FARS2: variants seen among roughly 807,000 people sequenced by gnomAD.
The protein encoded by FARS2 is phenylalanyl-tRNA synthetase 2, mitochondrial, also known as phenylalanine--tRNA ligase, mitochondrial.
A neutral mutation model predicts 46.4 loss-of-function variants in FARS2; 40 were observed. That is an observed-to-expected ratio of 0.86 (90% CI 0.67 to 1.12). The LOEUF (loss-of-function observed/expected upper bound fraction) is 1.12, where lower values mean the gene tolerates loss of function less well. Among genes scored for constraint, FARS2 ranks in the 50% most tolerant of loss-of-function variants. The pLI, the probability that FARS2 is intolerant of heterozygous loss-of-function variation, is 0.00. For synonymous variants in FARS2, 234 were observed against 214.9 expected (o/e 1.09, Z -0.78); for missense variants, 513 against 567.9 (o/e 0.90, Z 0.98).
At chr6:5,675,199 GACAC>G (rs3057239) in intron 6 of FARS2, among the ~76,000 whole-genome samples, 4,049 of 144,700 alleles carry the variant, frequency 0.028, 143 homozygotes, top group African/African-American at 0.085. Flanking sequence ...TTTGCAGATA[GACAC>G]ACACACACAC....
intron 4 of FARS2, among the ~76,000 whole-genome samples, chr6:5,494,246 A>G (rs1408122978): frequency 6.6e-6 from 1 of 151,978 alleles, no homozygotes; most frequent in African/African-American, 2.4e-5. Context: ...TTTAAAAAGT[A>G]AAATTCTATG....
intron 4 of FARS2, among the ~76,000 whole-genome samples, chr6:5,525,604 G>C (rs1390778307): frequency 6.6e-6 from 1 of 152,218 alleles, no homozygotes; most frequent in African/African-American, 2.4e-5. Flanking sequence ...AACTGTGTGA[G>C]TGTCAATGAG....
At chr6:5,396,582 A>G (rs1442099950) in intron 2 of FARS2, among the ~76,000 whole-genome samples, 5 of 152,182 alleles carry the variant, frequency 3.3e-5, no homozygotes, top group East Asian at 1.9e-4. Flanking sequence ...TATGCTGGCT[A>G]AAAAAACCCC....
chr6:5,439,799 A>T (rs1763739819), intron 4 of FARS2, among the ~76,000 whole-genome samples: 1 of 152,198 alleles, frequency 6.6e-6, no homozygotes, highest in African/African-American at 2.4e-5. Flanking sequence ...ATTGTCTAAG[A>T]TCTGTGAAAC....
At chr6:5,528,330 A>G (rs1391373987) in intron 4 of FARS2, among the ~76,000 whole-genome samples, 2 of 152,234 alleles carry the variant, frequency 1.3e-5, no homozygotes, top group South Asian at 2.1e-4. Flanking sequence ...CATTGTGCCT[A>G]GTTCACCTTG....
At chr6:5,536,075 G>A (rs938368019) in intron 4 of FARS2, among the ~76,000 whole-genome samples, 8 of 134,304 alleles carry the variant, frequency 6.0e-5, no homozygotes, top group Admixed American at 7.7e-5. Context: ...TTTTTGAGAC[G>A]GAGTCTCACT....
Position 5,368,757 on chromosome 6 carries a change from C to T in FARS2, c.187C>T (p.His63Tyr). The change falls in exon 2 of 7, where the codon CAC (histidine) becomes TAC (tyrosine). Residue 63 changes from histidine to tyrosine, a missense_variant. Physicochemically the swap from His to Tyr is moderately conservative, Grantham distance 83. Transcript: ENST00000274680. ...GGGCAAATCCTACCCTCAGGACGACCACAGCAACCTCACCCGGAAGGTCCT... is the reference window on the plus strand; with the variant it reads ...GGGCAAATCCTACCCTCAGGACGACTACAGCAACCTCACCCGGAAGGTCCT... ...LLGKSYPQDD[H>Y]SNLTRKVLTR... The T allele has an allele frequency of 6.2e-7, 1 of 1,614,120 alleles. No individual in the cohort carries two copies. The highest frequency in any genetic ancestry group is 8.5e-7 in the Non-Finnish European group (1 of 1,180,016).
At chr6:5,400,119 C>T (rs989119925) in intron 2 of FARS2, among the ~76,000 whole-genome samples, 5 of 152,262 alleles carry the variant, frequency 3.3e-5, no homozygotes, top group East Asian at 1.9e-4. Context: ...AAAGCCTCAG[C>T]GTATTCAAAA....
intron 4 of FARS2, among the ~76,000 whole-genome samples, chr6:5,507,224 T>C (rs1768152432): frequency 6.6e-6 from 1 of 152,248 alleles, no homozygotes; most frequent in Non-Finnish European, 1.5e-5. Flanking sequence ...GTTGCTGAAC[T>C]CTGCCATGGC....
chr6:5,654,486 C>T (rs920040601), intron 6 of FARS2, among the ~76,000 whole-genome samples: 9 of 152,180 alleles, frequency 5.9e-5, no homozygotes, highest in African/African-American at 2.2e-4. Context: ...CATCAAGTGC[C>T]TCTGGGGTTA....
intron 3 of FARS2, among the ~76,000 whole-genome samples, chr6:5,405,477 G>GTT (rs1554181324): frequency 9.7e-5 from 9 of 93,164 alleles, no homozygotes; most frequent in African/African-American, 3.2e-4. Flanking sequence ...GTGGAGCAAG[G>GTT]TTCTTTTTTT....
intron 6 of FARS2, among the ~76,000 whole-genome samples, chr6:5,661,201 C>G (rs1164231326): frequency 3.3e-5 from 5 of 152,196 alleles, no homozygotes. Context: ...GATTATGGAA[C>G]CAGATGGATG....
chr6:5,317,643 G>A (rs949669900), intron 1 of FARS2, among the ~76,000 whole-genome samples: 2 of 152,028 alleles, frequency 1.3e-5, no homozygotes, highest in African/African-American at 4.8e-5. Context: ...AGCTGGGCAT[G>A]GTGATGCGGG....
intron 6 of FARS2, 114 bp from the exon 7 acceptor site, chr6:5,771,177 C>A: frequency 2.6e-6 from 3 of 1,162,438 alleles, no homozygotes; most frequent in Non-Finnish European, 3.7e-6. Context: ...TACCTGGATT[C>A]CAACCTCAGT....
chr6:5,675,197 TAG>T (rs1174648319), intron 6 of FARS2, among the ~76,000 whole-genome samples: 1 of 107,896 alleles, frequency 9.3e-6, no homozygotes. Flanking sequence ...TATTTGCAGA[TAG>T]ACACACACAC....
rs114383862 is a variant in FARS2, at chr6:5,639,534, G to A, written c.1217+26214G>A. ...AGTAGATTTCTCTTGCTTAAGTAGA[G>A]GGGTGTGTTTCCATGGGGTCCTTTG... On this transcript the variant is annotated intron_variant, in intron 6 of 6. Coordinates refer to ENST00000274680, the MANE Select transcript of FARS2 (RefSeq NM_006567.5). 6.6e-3 allele frequency among the ~76,000 whole-genome samples: 1,011 copies of A among 152,314 alleles called. 15 individuals are homozygous for A. The highest frequency in any genetic ancestry group is 0.023 in the African/African-American group (952 of 41,572).
rs538043166 is a variant in FARS2 at position 5,301,253 on chromosome 6, CCTTAA to C, written c.-22+39598_-22+39602del. On this transcript the variant is annotated intron_variant, in intron 1 of 6. Transcript: ENST00000274680. ...AAATGAGGCACTTACTTTTCTGATG[CCTTAA>C]CTTAGTTTGCAACATCCTGGGAGTT... 1.3e-3 allele frequency among the ~76,000 whole-genome samples: 199 copies of C among 152,172 alleles called. 1 individual carries two copies. The highest frequency in any genetic ancestry group is 3.1e-3 in the South Asian group (15 of 4,814).
chr6:5,585,305 TTGTG>T (rs1223706307), intron 5 of FARS2, among the ~76,000 whole-genome samples: 2 of 152,210 alleles, frequency 1.3e-5, no homozygotes, highest in Non-Finnish European at 2.9e-5. Context: ...ATCATTTTTT[TTGTG>T]TGTGTAAGTG....
At chr6:5,663,363 T>A (rs1179636692) in intron 6 of FARS2, among the ~76,000 whole-genome samples, 2 of 152,172 alleles carry the variant, frequency 1.3e-5, no homozygotes, top group Non-Finnish European at 2.9e-5. Flanking sequence ...TTCAAAAAAA[T>A]TCTTCCCAAT....
Sources: allele counts gnomAD v4.1 joint callset (sites outside exome capture counted in the v4.1 genomes callset), GRCh38; gene constraint gnomAD v4.1.1; transcripts MANE v1.5; gene names NCBI Gene and HGNC (gene_info 2026-07-23, HGNC 2026-07-21).